PUM2: variants seen among roughly 807,000 people sequenced by gnomAD.
The protein encoded by PUM2 is pumilio homolog 2.
PUM2 carries 57 observed loss-of-function variants against 124.5 expected under a neutral mutation model. That is an observed-to-expected ratio of 0.46 (90% CI 0.37 to 0.57). The LOEUF (loss-of-function observed/expected upper bound fraction) is 0.57, where lower values mean the gene tolerates loss of function less well. Ranked by LOEUF, PUM2 falls within the 20% of genes least tolerant of loss-of-function variation. The pLI, the probability that PUM2 is intolerant of heterozygous loss-of-function variation, is 0.00. For missense variants in PUM2, 1,065 were observed against 1,290.6 expected, an observed-to-expected ratio of 0.83 and a Z score of 2.68; for synonymous variants, 460 against 446.1, an observed-to-expected ratio of 1.03 and a Z score of -0.39.
At chr2:20,256,520 G>C (rs559088920) in intron 16 of PUM2, among the ~76,000 whole-genome samples, 1 of 152,020 alleles carries the variant, frequency 6.6e-6, no homozygotes, top group South Asian at 2.1e-4. Context: ...AATATTTATC[G>C]GGCGGTAACT....
At chr2:20,298,257 T>A (rs190280308) in intron 7 of PUM2, among the ~76,000 whole-genome samples, 1 of 152,148 alleles carries the variant, frequency 6.6e-6, no homozygotes, top group Non-Finnish European at 1.5e-5. Context: ...GAATGAGGTA[T>A]AGTGTAAGAT....
At chr2:20,312,139 G>A in intron 4 of PUM2, 97 bp downstream of exon 4, 1 of 1,152,604 alleles carries the variant, frequency 8.7e-7, no homozygotes, top group Non-Finnish European at 1.2e-6. Flanking sequence ...TTAGCTATAG[G>A]AAGGGCACAG....
intron 13 of PUM2, among the ~76,000 whole-genome samples, chr2:20,268,368 T>C (rs1214477485): frequency 2.0e-5 from 3 of 152,142 alleles, no homozygotes; most frequent in African/African-American, 7.2e-5. Context: ...TCCCAGCACT[T>C]TGGGAGGCTG....
At chr2:20,265,586 A>T (rs895571176) in intron 13 of PUM2, among the ~76,000 whole-genome samples, 1 of 152,044 alleles carries the variant, frequency 6.6e-6, no homozygotes, top group Non-Finnish European at 1.5e-5. Context: ...TTATCATTTC[A>T]ATTTGGTTAA....
intron 13 of PUM2, among the ~76,000 whole-genome samples, chr2:20,272,151 C>T (rs1032418874): frequency 5.1e-5 from 6 of 118,378 alleles, no homozygotes; most frequent in Non-Finnish European, 1.1e-4. Context: ...AGCAAGACTT[C>T]GTCAAATGAA....
In PUM2 at chr2:20,278,747, G is replaced by T; in HGVS notation, c.1793C>A (p.Ser598Tyr). The T allele has an allele frequency of 6.2e-7, 1 of 1,613,540 alleles. No individual in the cohort carries two copies. The highest frequency in any genetic ancestry group is 8.5e-7 in the Non-Finnish European group (1 of 1,179,690). Residue 598 changes from serine to tyrosine, a missense_variant, in exon 13 of 21, where the codon TCT (serine) becomes TAT (tyrosine). Physicochemically the swap from Ser to Tyr is moderately radical, Grantham distance 144. This residue lies in a region of PUM2 where 968 missense variants were observed against 1,159.8 expected (regional missense o/e 0.83). Coordinates refer to ENST00000361078, the MANE Select transcript of PUM2 (RefSeq NM_015317.5). Reference sequence around the variant, plus strand: ...CCCTATGGGTGCTAGGCTGCTACTAGATCTTTTGTACAAGTCAGAGCTAGT... The same window carrying T: ...CCCTATGGGTGCTAGGCTGCTACTATATCTTTTGTACAAGTCAGAGCTAGT... ...LSTSSDLYKR[S>Y]SSSLAPIGQP... is the part of the protein sequence containing the mutation.
intron 1 of PUM2, among the ~76,000 whole-genome samples, chr2:20,341,550 G>A (rs551613346): frequency 6.6e-6 from 1 of 152,310 alleles, no homozygotes; most frequent in East Asian, 1.9e-4. Flanking sequence ...CTCAACTTTG[G>A]TAAAGAAGGT....
chr2:20,282,061 A>G (rs1671663180), intron 12 of PUM2, among the ~76,000 whole-genome samples: 1 of 152,248 alleles, frequency 6.6e-6, no homozygotes, highest in Admixed American at 6.5e-5. Flanking sequence ...TAGAAACAGA[A>G]AATCTCTTGA....
chr2:20,339,378 C>T (rs749061867), intron 1 of PUM2, among the ~76,000 whole-genome samples: 1 of 150,864 alleles, frequency 6.6e-6, no homozygotes, highest in Non-Finnish European at 1.5e-5. Context: ...AACATCTAAA[C>T]GAAGCATCAC....
intron 1 of PUM2, among the ~76,000 whole-genome samples, chr2:20,336,792 GTGTGTGTGT>G (rs1558676393): frequency 7.0e-5 from 8 of 113,642 alleles, no homozygotes; most frequent in South Asian, 2.8e-4. Flanking sequence ...GTGTGTGTGT[GTGTGTGTGT>G]GGTACAGACG....
At chr2:20,264,283 A>C (rs1279084235) in intron 13 of PUM2, among the ~76,000 whole-genome samples, 4 of 134,444 alleles carry the variant, frequency 3.0e-5, no homozygotes, top group Admixed American at 7.8e-5. Flanking sequence ...GTTGCAGTGA[A>C]CCAAGATCAC....
intron 1 of PUM2, among the ~76,000 whole-genome samples, chr2:20,336,229 C>T (rs1685990047): frequency 6.6e-6 from 1 of 151,918 alleles, no homozygotes. Context: ...CACTATTGCC[C>T]AGGATGGAGT....
At position 20,267,061 on chromosome 2, in the gene PUM2, C is replaced by A. The variant is rs529033948; in HGVS notation, c.1958-3601G>T. ...TTTTTTGAGACAGGTCTCACTCTGT[C>A]ACCCAGGCTGGAGTGCAGTGATGCA... On this transcript the variant is annotated intron_variant, in intron 13 of 20. Transcript: ENST00000361078. Among the ~76,000 whole-genome samples the A allele has an allele frequency of 2.3e-3, 350 of 150,310 alleles. 3 individuals are homozygous for A. The highest frequency in any genetic ancestry group is 4.3e-3 in the Non-Finnish European group (291 of 67,828).
chr2:20,315,836 C>CAAAAAAA (rs60828412), intron 3 of PUM2, among the ~76,000 whole-genome samples: 6 of 72,314 alleles, frequency 8.3e-5, no homozygotes, highest in African/African-American at 1.7e-4. Context: ...AACCTGGTCT[C>CAAAAAAA]AAAAAAAAAA....
intron 7 of PUM2, among the ~76,000 whole-genome samples, chr2:20,304,767 T>C (rs1677818975): frequency 6.6e-6 from 1 of 152,196 alleles, no homozygotes; most frequent in Non-Finnish European, 1.5e-5. Context: ...AAAAACAATA[T>C]AAAGAAAAGA....
chr2:20,256,225 A>G (rs1401763729), intron 16 of PUM2, 55 bp from the exon 17 acceptor site: 1 of 1,470,472 alleles, frequency 6.8e-7, no homozygotes, highest in Admixed American at 2.7e-5. Context: ...AAATACTAGT[A>G]TATTTTATCT....
At chr2:20,316,460 T>C (rs979106346) in intron 3 of PUM2, among the ~76,000 whole-genome samples, 2 of 152,024 alleles carry the variant, frequency 1.3e-5, no homozygotes, top group Non-Finnish European at 2.9e-5. Flanking sequence ...CATTATTACT[T>C]TGGTTATTCT....
At chr2:20,323,412 C>T (rs1181735747) in intron 2 of PUM2, among the ~76,000 whole-genome samples, 9 of 145,552 alleles carry the variant, frequency 6.2e-5, no homozygotes, top group Non-Finnish European at 1.5e-5. Context: ...TGCGCCACTG[C>T]ACTCCAGCCT....
At chr2:20,306,160 G>C (rs535406869) in intron 7 of PUM2, among the ~76,000 whole-genome samples, 29 of 152,208 alleles carry the variant, frequency 1.9e-4, no homozygotes, top group African/African-American at 6.7e-4. Context: ...AGCCAAGACT[G>C]CACCACTGCA....
Sources: gnomAD v4.1 joint callset for allele counts (sites outside exome capture counted in the v4.1 genomes callset) on GRCh38, gnomAD v4.1.1 for gene constraint, gnomAD v4.1.1 regional missense constraint, MANE v1.5 for transcripts, NCBI Gene and HGNC (gene_info 2026-07-23, HGNC 2026-07-21) for gene names.